USP32: variants seen among roughly 807,000 people sequenced by gnomAD.
The protein encoded by USP32 is ubiquitin carboxyl-terminal hydrolase 32.
Under a neutral mutation model 204.8 loss-of-function variants are expected in USP32, and 59 were observed. That is an observed-to-expected ratio of 0.29 (90% CI 0.23 to 0.36). The LOEUF (loss-of-function observed/expected upper bound fraction) is 0.36. Among genes scored for constraint, USP32 ranks in the 10% least tolerant of loss-of-function variants. USP32 has a pLI of 1.00. For missense variants in USP32, 1,160 were observed against 1,946.4 expected (o/e 0.60, Z 7.60); for synonymous variants, 517 against 678.4 (o/e 0.76, Z 3.70).
chr17:60,405,850 T>C (rs1035605957), intron 1 of USP32, among the ~76,000 whole-genome samples: 5 of 152,184 alleles, frequency 3.3e-5, no homozygotes, highest in African/African-American at 1.2e-4. Context: ...CATAGAATTT[T>C]ATTCTTTCAA....
chr17:60,330,867 C>G (rs1326442981), intron 2 of USP32, among the ~76,000 whole-genome samples: 1 of 152,196 alleles, frequency 6.6e-6, no homozygotes, highest in Non-Finnish European at 1.5e-5. Context: ...ACTATCCCAA[C>G]TTTCCCAGCC....
intron 13 of USP32, among the ~76,000 whole-genome samples, chr17:60,224,969 T>C (rs2085346468): frequency 6.6e-6 from 1 of 152,226 alleles, no homozygotes; most frequent in African/African-American, 2.4e-5. Context: ...ATCTGAATTC[T>C]TTCTCAGTAT....
At chr17:60,210,570 G>T (rs1833372749) in intron 21 of USP32, among the ~76,000 whole-genome samples, 1 of 152,194 alleles carries the variant, frequency 6.6e-6, no homozygotes, top group African/African-American at 2.4e-5. Context: ...GCCTCCCAAA[G>T]TGCTGAGATT....
intron 11 of USP32, among the ~76,000 whole-genome samples, chr17:60,241,581 C>A (rs574543746): frequency 6.6e-6 from 1 of 152,228 alleles, no homozygotes; most frequent in South Asian, 2.1e-4. Context: ...GAGCTACCCA[C>A]TACATAATTT....
chr17:60,236,369 A>C, intron 11 of USP32, 129 bp from the exon 12 acceptor site: 3 of 627,076 alleles, frequency 4.8e-6, no homozygotes, highest in Non-Finnish European at 8.2e-6. Context: ...GAGACTGCCA[A>C]AACCCAATTA....
At chr17:60,391,739 C>T (rs2089838071) in intron 1 of USP32, 143 bp downstream of exon 1, 3 of 843,234 alleles carry the variant, frequency 3.6e-6, no homozygotes, top group South Asian at 1.8e-5. Context: ...TCTCCTCCAC[C>T]ACACTCCCCA....
rs576091934 is a variant in USP32 at position 60,221,673 on chromosome 17, T to G, written c.1749+736A>C. Among the ~76,000 whole-genome samples, 13 of 152,046 alleles carry G rather than the reference T, an allele frequency of 8.6e-5. No homozygotes were observed. The South Asian group carries it at 2.7e-3, about 32-fold the overall frequency. On this transcript the variant is annotated intron_variant, in intron 15 of 33. Transcript: ENST00000300896. ...AGGAGTGTGCCACCACACTGGATAATTTTTGTATTTTTATTAGACACGGGG... is the reference window on the plus strand; with the variant it reads ...AGGAGTGTGCCACCACACTGGATAAGTTTTGTATTTTTATTAGACACGGGG...
chr17:60,281,429 T>C (rs2086964944), intron 5 of USP32, among the ~76,000 whole-genome samples: 1 of 151,718 alleles, frequency 6.6e-6, no homozygotes, highest in Admixed American at 6.6e-5. Context: ...TCCCAGCTAC[T>C]CGGGAGGCTG....
At chr17:60,209,619 C>A in intron 21 of USP32, 76 bp from the exon 22 acceptor site, 2 of 965,320 alleles carry the variant, frequency 2.1e-6, no homozygotes, top group Non-Finnish European at 1.5e-6. Context: ...ATAATCCAAT[C>A]AGAGCCATTG....
At chr17:60,184,806 T>C (rs1290802720) in intron 30 of USP32, among the ~76,000 whole-genome samples, 1 of 120,534 alleles carries the variant, frequency 8.3e-6, no homozygotes, top group Non-Finnish European at 1.6e-5. Flanking sequence ...TGAGACCCTG[T>C]CTCAAAAAAA....
chr17:60,339,485 A>G (rs1299921954), intron 2 of USP32, among the ~76,000 whole-genome samples: 2 of 150,536 alleles, frequency 1.3e-5, no homozygotes, highest in Non-Finnish European at 3.0e-5. Context: ...TGGGAGGCTG[A>G]GGCAGGAGAA....
chr17:60,395,403 G>A (rs1010346832), upstream of USP32, among the ~76,000 whole-genome samples: 43 of 152,220 alleles, frequency 2.8e-4, no homozygotes, highest in African/African-American at 9.2e-4. Context: ...GAAGCAGATA[G>A]TTGTGTCTGA....
At chr17:60,220,144 A>C (rs1177527056) in intron 15 of USP32, among the ~76,000 whole-genome samples, 2 of 152,106 alleles carry the variant, frequency 1.3e-5, no homozygotes, top group African/African-American at 4.8e-5. Context: ...AATGATTGAC[A>C]TTTTAAGGAC....
At chr17:60,210,332 G>A (rs1371388216) in intron 21 of USP32, among the ~76,000 whole-genome samples, 1 of 150,054 alleles carries the variant, frequency 6.7e-6, no homozygotes, top group Non-Finnish European at 1.5e-5. Flanking sequence ...TCTTTTTGGA[G>A]ACAGAGTCTT....
At chr17:60,367,933 C>A (rs2089350707) in intron 1 of USP32, among the ~76,000 whole-genome samples, 1 of 151,816 alleles carries the variant, frequency 6.6e-6, no homozygotes, top group South Asian at 2.1e-4. Context: ...CAGCCATTTA[C>A]ACGGCACTTA....
chr17:60,382,842 C>G (rs912895432), intron 1 of USP32, among the ~76,000 whole-genome samples: 1 of 152,130 alleles, frequency 6.6e-6, no homozygotes, highest in African/African-American at 2.4e-5. Flanking sequence ...AAGTACAATA[C>G]TTACCCCATA....
At chr17:60,368,784 A>C (rs1390960516) in intron 1 of USP32, among the ~76,000 whole-genome samples, 7 of 152,140 alleles carry the variant, frequency 4.6e-5, no homozygotes, top group African/African-American at 1.7e-4. Flanking sequence ...AACATTATTA[A>C]GTTTTAATAC....
intron 1 of USP32, among the ~76,000 whole-genome samples, chr17:60,362,564 T>TA (rs972678626): frequency 6.6e-6 from 1 of 152,238 alleles, no homozygotes; most frequent in Non-Finnish European, 1.5e-5. Flanking sequence ...GTTGTATACT[T>TA]AAACGCTGCA....
chr17:60,246,003 A>G (rs1036103626), intron 11 of USP32, among the ~76,000 whole-genome samples: 1 of 152,032 alleles, frequency 6.6e-6, no homozygotes, highest in Non-Finnish European at 1.5e-5. Context: ...CATCACCTCA[A>G]ATATTTATCA....
Sources: allele counts gnomAD v4.1 joint callset (sites outside exome capture counted in the v4.1 genomes callset), GRCh38; gene constraint gnomAD v4.1.1; transcripts MANE v1.5; gene names NCBI Gene and HGNC (gene_info 2026-07-23, HGNC 2026-07-21).